TTC28: variants seen among roughly 807,000 people sequenced by gnomAD.
The protein encoded by TTC28 is tetratricopeptide repeat protein 28.
In TTC28, 61 loss-of-function variants were observed where a neutral mutation model predicts 198.0. The observed-to-expected ratio is 0.31, with a 90% CI of 0.25 to 0.38. The LOEUF is 0.38. Among genes scored for constraint, TTC28 ranks in the 10% least tolerant of loss-of-function variants. TTC28 has a pLI of 1.00. For synonymous variants in TTC28, 1,171 were observed against 1,297.8 expected (o/e 0.90, Z 2.10); for missense variants, 2,678 against 3,164.0 (o/e 0.85, Z 3.69).
chr22:28,009,876 T>G (rs1283970016), intron 14 of TTC28, among the ~76,000 whole-genome samples: 1 of 152,252 alleles, frequency 6.6e-6, no homozygotes, highest in Admixed American at 6.5e-5. Flanking sequence ...TTCAGTTAAG[T>G]GTTTTTACTG....
intron 2 of TTC28, among the ~76,000 whole-genome samples, chr22:28,537,011 T>G (rs2049293876): frequency 1.3e-5 from 2 of 151,658 alleles, no homozygotes; most frequent in Non-Finnish European, 2.9e-5. Flanking sequence ...ATAGACAAAT[T>G]GGCCGGGCGC....
At chr22:28,029,207 T>C in intron 13 of TTC28, 1 of 434,098 alleles carries the variant, frequency 2.3e-6, no homozygotes, top group Non-Finnish European at 4.8e-6. Flanking sequence ...TTGGCCTCCT[T>C]ACAACCAGGC....
chr22:28,585,040 G>A (rs1002636124), intron 2 of TTC28, among the ~76,000 whole-genome samples: 39 of 152,108 alleles, frequency 2.6e-4, no homozygotes, highest in Non-Finnish European at 7.4e-5. Flanking sequence ...ACTATCCTGT[G>A]AGAGAATTTG....
At chr22:28,296,111 C>G (rs1159754326) in intron 5 of TTC28, 87 bp downstream of exon 5, 1 of 1,355,414 alleles carries the variant, frequency 7.4e-7, no homozygotes, top group East Asian at 2.5e-5. Context: ...TTTAAGATAC[C>G]TGAAACAGTT....
chr22:28,334,469 C>T (rs1021765068), intron 2 of TTC28, among the ~76,000 whole-genome samples: 15 of 152,326 alleles, frequency 9.8e-5, no homozygotes, highest in Admixed American at 2.6e-4. Flanking sequence ...ATCCCACCAA[C>T]GGTGTAAAAG....
At chr22:28,490,355 G>A (rs2048360325) in intron 2 of TTC28, among the ~76,000 whole-genome samples, 1 of 152,098 alleles carries the variant, frequency 6.6e-6, no homozygotes, top group South Asian at 2.1e-4. Flanking sequence ...GCTCTGCTCT[G>A]TAGTCGTCAT....
intron 2 of TTC28, among the ~76,000 whole-genome samples, chr22:28,526,246 T>C (rs1368645141): frequency 2.6e-5 from 4 of 152,200 alleles, no homozygotes; most frequent in Non-Finnish European, 5.9e-5. Flanking sequence ...TCTCATTTGA[T>C]GTATAAATGT....
intron 2 of TTC28, among the ~76,000 whole-genome samples, chr22:28,387,838 CTTTAG>C (rs2046637219): frequency 6.6e-6 from 1 of 152,072 alleles, no homozygotes; most frequent in African/African-American, 2.4e-5. Context: ...TGCAGAAGCT[CTTTAG>C]TTTAATTAGA....
intron 5 of TTC28, among the ~76,000 whole-genome samples, chr22:28,190,840 G>A (rs759991151): frequency 1.1e-4 from 16 of 152,118 alleles, no homozygotes; most frequent in Non-Finnish European, 1.9e-4. Context: ...TTGAGGCCCC[G>A]TTCTTATTTT....
At chr22:28,370,062 T>G (rs2046307812) in intron 2 of TTC28, among the ~76,000 whole-genome samples, 2 of 152,128 alleles carry the variant, frequency 1.3e-5, no homozygotes, top group Non-Finnish European at 1.5e-5. Flanking sequence ...TCTGTGGCTT[T>G]GGGTGGGGCT....
In TTC28 at chr22:28,324,031, A is replaced by C. The variant is rs1276176701; in HGVS notation, c.382-17388T>G. On this transcript the variant is annotated intron_variant, in intron 2 of 22. Transcript: ENST00000397906. ...TATCTGGTGAAAATATCCTTCAAAC[A>C]TGAAAGAGATATAATGACCTTCCCA... Among the ~76,000 whole-genome samples the C allele has an allele frequency of 2.0e-5, 3 of 152,222 alleles. No homozygotes were observed. In the East Asian group the frequency reaches 5.8e-4, roughly 29 times the overall value.
chr22:28,608,128 A>G (rs766652164), intron 2 of TTC28, among the ~76,000 whole-genome samples: 3 of 152,232 alleles, frequency 2.0e-5, no homozygotes, highest in Non-Finnish European at 4.4e-5. Flanking sequence ...GAAACAGCTG[A>G]GTCTCAGTAA....
intron 2 of TTC28, among the ~76,000 whole-genome samples, chr22:28,381,382 T>G (rs896588819): frequency 6.6e-6 from 1 of 152,086 alleles, no homozygotes; most frequent in East Asian, 1.9e-4. Context: ...CTAAAAGAGA[T>G]AAAATGTGTG....
At position 28,679,840 on chromosome 22, in the gene TTC28, T is replaced by G. The variant is rs2145726412; in HGVS notation, c.-117A>C. 1 of 294,392 alleles carries G rather than the reference T, an allele frequency of 3.4e-6. No individual in the cohort carries two copies. Among genetic ancestry groups the G allele is most frequent in the Non-Finnish European group, 5.3e-6 (1 of 189,900 alleles). 18.2% of individuals were successfully genotyped at this position (294,392 alleles called of 1,614,324 possible). On this transcript the variant is annotated 5_prime_UTR_variant, in exon 1 of 23. Coordinates refer to ENST00000397906, the MANE Select transcript of TTC28 (RefSeq NM_001145418.2). ...TGCGCGCCGCCGCGGCGCCCCTCACTGCCCCCAAACCGCGCGCGCGCCCCC... is the reference window on the plus strand; with the variant it reads ...TGCGCGCCGCCGCGGCGCCCCTCACGGCCCCCAAACCGCGCGCGCGCCCCC...
chr22:28,264,681 T>C (rs1931560617), intron 5 of TTC28, among the ~76,000 whole-genome samples: 1 of 152,106 alleles, frequency 6.6e-6, no homozygotes, highest in African/African-American at 2.4e-5. Flanking sequence ...AAGACTGCCT[T>C]GGTTGTGGAG....
intron 2 of TTC28, among the ~76,000 whole-genome samples, chr22:28,562,474 CAG>C (rs1283740936): frequency 1.3e-5 from 2 of 152,142 alleles, no homozygotes; most frequent in African/African-American, 4.8e-5. Context: ...CAGTAAAATA[CAG>C]AGTCTCAAAC....
At chr22:28,007,388 T>C (rs1456769836) in intron 14 of TTC28, 1 of 151,220 alleles carries the variant, frequency 6.6e-6, no homozygotes, top group African/African-American at 2.4e-5. Context: ...CAGCCAGAAA[T>C]GGAAAAGCGA....
At position 28,490,632 on chromosome 22, in the gene TTC28, C is replaced by T. The variant is rs552966914; in HGVS notation, c.381+138920G>A. On this transcript the variant is annotated intron_variant, in intron 2 of 22. Transcript: ENST00000397906. ...GTAAGATAAACAAATAAATGCTGAA[C>T]TGAATGCAGTTGAAAGTTTATATAA... Among the ~76,000 whole-genome samples the T allele has an allele frequency of 3.9e-5, 6 of 152,282 alleles. No individual in the cohort carries two copies. The South Asian group carries it at 1.0e-3, about 26-fold the overall frequency.
At chr22:28,272,518 T>C (rs894416457) in intron 5 of TTC28, among the ~76,000 whole-genome samples, 1 of 152,174 alleles carries the variant, frequency 6.6e-6, no homozygotes. Flanking sequence ...CCTTATCTGA[T>C]CCAAAAGGTG....
Sources: gnomAD v4.1 joint callset for allele counts (sites outside exome capture counted in the v4.1 genomes callset) on GRCh38, gnomAD v4.1.1 for gene constraint, MANE v1.5 for transcripts, NCBI Gene and HGNC (gene_info 2026-07-23, HGNC 2026-07-21) for gene names.